The following IQCH variants were observed in gnomAD, a reference collection of about 807,000 sequenced individuals.
IQCH encodes the protein IQ domain-containing protein H.
In IQCH, 98 loss-of-function variants were observed where a neutral mutation model predicts 117.0. The observed-to-expected ratio is 0.84, with a 90% CI of 0.71 to 0.99. The LOEUF (loss-of-function observed/expected upper bound fraction) is 0.99, where lower values mean the gene tolerates loss of function less well. Among genes scored for constraint, IQCH ranks in the 50% least tolerant of loss-of-function variants. IQCH has a pLI of 0.00. For missense variants in IQCH, 1,102 were observed against 1,243.8 expected (o/e 0.89, Z 1.72); for synonymous variants, 412 against 448.2 (o/e 0.92, Z 1.02).
At chr15:67,310,776 A>T (rs1436158343) in intron 4 of IQCH, among the ~76,000 whole-genome samples, 1 of 152,196 alleles carries the variant, frequency 6.6e-6, no homozygotes, top group East Asian at 1.9e-4. Flanking sequence ...TGCAGATAAA[A>T]GTCAACAATG....
intron 6 of IQCH, among the ~76,000 whole-genome samples, chr15:67,344,940 G>T (rs565684664): frequency 6.6e-6 from 1 of 152,156 alleles, no homozygotes; most frequent in Non-Finnish European, 1.5e-5. Context: ...TAGGAGTAGG[G>T]TGAGAAGTGA....
At chr15:67,278,770 T>C (rs1966231849) in intron 3 of IQCH, among the ~76,000 whole-genome samples, 1 of 152,250 alleles carries the variant, frequency 6.6e-6, no homozygotes, top group Non-Finnish European at 1.5e-5. Flanking sequence ...GGGTGAGTTT[T>C]GTTAGTCCTA....
intron 5 of IQCH, among the ~76,000 whole-genome samples, chr15:67,339,065 T>G (rs1969028164): frequency 6.6e-6 from 1 of 152,188 alleles, no homozygotes; most frequent in Non-Finnish European, 1.5e-5. Flanking sequence ...TAATATCTTC[T>G]TTACCAGTTG....
At chr15:67,482,714 G>A (rs946773723) in intron 18 of IQCH, among the ~76,000 whole-genome samples, 9 of 152,076 alleles carry the variant, frequency 5.9e-5, no homozygotes, top group African/African-American at 1.9e-4. Flanking sequence ...AAATATCGTC[G>A]AGTGGGGAGA....
chr15:67,398,737 A>T (rs1021034562), intron 13 of IQCH, among the ~76,000 whole-genome samples: 3 of 152,132 alleles, frequency 2.0e-5, no homozygotes, highest in African/African-American at 7.2e-5. Flanking sequence ...GTTAAAAAAA[A>T]AAAAAATTGT....
chr15:67,492,449 G>A (rs1017680208), intron 19 of IQCH, among the ~76,000 whole-genome samples: 1 of 152,190 alleles, frequency 6.6e-6, no homozygotes, highest in Non-Finnish European at 1.5e-5. Context: ...AATCAGACAG[G>A]CCAAACACTG....
chr15:67,382,910 T>A (rs1337698533), intron 10 of IQCH, among the ~76,000 whole-genome samples: 1 of 152,218 alleles, frequency 6.6e-6, no homozygotes, highest in Non-Finnish European at 1.5e-5. Context: ...CGTGGTTAAG[T>A]CACTGTTATA....
chr15:67,336,077 A>G (rs1488304829), intron 4 of IQCH, among the ~76,000 whole-genome samples: 2 of 152,104 alleles, frequency 1.3e-5, no homozygotes, highest in African/African-American at 4.8e-5. Context: ...AGAATTGAAT[A>G]ATCTGTGCAT....
At chr15:67,312,675 C>T (rs113724651) in intron 4 of IQCH, among the ~76,000 whole-genome samples, 3 of 152,130 alleles carry the variant, frequency 2.0e-5, no homozygotes, top group African/African-American at 7.2e-5. Flanking sequence ...GAAAATAGAG[C>T]AGCTACGAAA....
At chr15:67,498,944 A>T (rs2083901289) in intron 20 of IQCH, among the ~76,000 whole-genome samples, 1 of 152,230 alleles carries the variant, frequency 6.6e-6, no homozygotes, top group Non-Finnish European at 1.5e-5. Context: ...ACTCAACTAC[A>T]GAAGGACAAA....
chr15:67,332,505 A>G (rs76582425), intron 4 of IQCH, among the ~76,000 whole-genome samples: 1,583 of 152,286 alleles, frequency 0.01, 24 homozygotes, highest in African/African-American at 0.037. Flanking sequence ...TGATAACCAA[A>G]GCTAGCCAAT....
intron 6 of IQCH, among the ~76,000 whole-genome samples, chr15:67,346,320 CA>C (rs578243805): frequency 2.0e-5 from 3 of 151,766 alleles, no homozygotes; most frequent in Non-Finnish European, 2.9e-5. Flanking sequence ...AACCCCCCCC[CA>C]AAAAAATACT....
chr15:67,310,979 G>A (rs1967563699), intron 4 of IQCH, among the ~76,000 whole-genome samples: 1 of 152,008 alleles, frequency 6.6e-6, no homozygotes, highest in African/African-American at 2.4e-5. Context: ...AATTGTAGTA[G>A]CATTTATTAA....
chr15:67,400,347 CAGTT>C, intron 14 of IQCH, 42 bp downstream of exon 14: 1 of 1,485,296 alleles, frequency 6.7e-7, no homozygotes, highest in Non-Finnish European at 9.4e-7. Context: ...GGTCTGTGAA[CAGTT>C]AGGGGACGAA....
At chr15:67,340,217 G>A (rs1969084071) in intron 5 of IQCH, among the ~76,000 whole-genome samples, 1 of 151,826 alleles carries the variant, frequency 6.6e-6, no homozygotes, top group African/African-American at 2.4e-5. Context: ...CACCTGAGGT[G>A]AGGAGTTCAA....
At chr15:67,448,493 C>T (rs530582620) in intron 16 of IQCH, among the ~76,000 whole-genome samples, 10 of 150,048 alleles carry the variant, frequency 6.7e-5, no homozygotes, top group African/African-American at 2.0e-4. Context: ...TTTGTCCTTG[C>T]GATAGTTTGA....
At chr15:67,325,029 T>C (rs763951871) in intron 4 of IQCH, among the ~76,000 whole-genome samples, 2 of 152,142 alleles carry the variant, frequency 1.3e-5, no homozygotes, top group Non-Finnish European at 2.9e-5. Flanking sequence ...CCTCCTCTCC[T>C]TCTGGGGCTT....
chr15:67,373,733 T>G, intron 10 of IQCH: 1 of 484,140 alleles, frequency 2.1e-6, no homozygotes, highest in Non-Finnish European at 3.7e-6. Flanking sequence ...AAATAACAGA[T>G]AATGTTTTCG....
intron 16 of IQCH, among the ~76,000 whole-genome samples, chr15:67,441,210 CAAAATACTGCT>C (rs895377421): frequency 1.5e-5 from 2 of 129,104 alleles, no homozygotes; most frequent in African/African-American, 5.9e-5. Flanking sequence ...AGGAAAACTA[CAAAATACTGCT>C]GAAAGAAATC....
Sources: gnomAD v4.1 joint callset for allele counts (sites outside exome capture counted in the v4.1 genomes callset) on GRCh38, gnomAD v4.1.1 for gene constraint, MANE v1.5 for transcripts, NCBI Gene and HGNC (gene_info 2026-07-23, HGNC 2026-07-21) for gene names.